CREB5: variants seen among roughly 807,000 people sequenced by gnomAD.
CREB5 encodes the protein cAMP responsive element binding protein 5.
In CREB5, 19 loss-of-function variants were observed where a neutral mutation model predicts 57.1. The observed-to-expected ratio is 0.33, with a 90% CI of 0.23 to 0.49. The LOEUF is 0.49. Among genes scored for constraint, CREB5 ranks in the 20% least tolerant of loss-of-function variants. CREB5 has a pLI of 0.99. For missense variants in CREB5, 579 were observed against 671.6 expected, an observed-to-expected ratio of 0.86 and a Z score of 1.52; for synonymous variants, 238 against 238.3, an observed-to-expected ratio of 1.00 and a Z score of 0.01.
chr7:28,669,912 A>C (rs1370029968), intron 5 of CREB5, among the ~76,000 whole-genome samples: 2 of 152,244 alleles, frequency 1.3e-5, no homozygotes, highest in African/African-American at 2.4e-5. Context: ...AGGCACAACA[A>C]GGGGAGCCCC....
chr7:28,729,961 CA>C (rs546742528), intron 7 of CREB5, among the ~76,000 whole-genome samples: 132 of 152,308 alleles, frequency 8.7e-4, no homozygotes, highest in Non-Finnish European at 1.5e-3. Flanking sequence ...ATAGGAATTA[CA>C]TAAGATTCCA....
chr7:28,678,992 T>C (rs977931580), intron 5 of CREB5, among the ~76,000 whole-genome samples: 5 of 151,948 alleles, frequency 3.3e-5, no homozygotes, highest in Non-Finnish European at 7.4e-5. Context: ...TAGTTTAAGC[T>C]TGCCTTTTTA....
At chr7:28,783,332 T>C (rs1807100439) in intron 7 of CREB5, among the ~76,000 whole-genome samples, 1 of 152,226 alleles carries the variant, frequency 6.6e-6, no homozygotes, top group African/African-American at 2.4e-5. Context: ...CATATTCTTA[T>C]ATTAGATTCA....
At chr7:28,797,013 C>G (rs1379252886) in intron 7 of CREB5, among the ~76,000 whole-genome samples, 1 of 152,188 alleles carries the variant, frequency 6.6e-6, no homozygotes, top group African/African-American at 2.4e-5. Context: ...TAAAATAATT[C>G]TATAAATGTG....
At chr7:28,410,668 G>A, upstream of CREB5, 1 of 414,362 alleles carries the variant, frequency 2.4e-6, no homozygotes, top group Non-Finnish European at 4.9e-6. Context: ...ATATTTCGTT[G>A]TCAGTCTGCA....
intron 1 of CREB5, among the ~76,000 whole-genome samples, chr7:28,345,409 A>G (rs145324401): frequency 6.6e-6 from 1 of 152,190 alleles, no homozygotes; most frequent in African/African-American, 2.4e-5. Flanking sequence ...AATCAATATC[A>G]GTTGTTACTT....
chr7:28,406,621 T>C (rs58835600), intron 1 of CREB5, among the ~76,000 whole-genome samples: 9,300 of 152,290 alleles, frequency 0.061, 367 homozygotes, highest in African/African-American at 0.1. Context: ...CTAGTGGTGG[T>C]GCTGGCACCC....
intron 1 of CREB5, among the ~76,000 whole-genome samples, chr7:28,468,697 TTG>T (rs1790688799): frequency 6.6e-6 from 1 of 152,222 alleles, no homozygotes. Context: ...AGTTATCAGC[TTG>T]TGTCTGCCTG....
chr7:28,556,113 G>A (rs915997842), intron 4 of CREB5, among the ~76,000 whole-genome samples: 1 of 152,170 alleles, frequency 6.6e-6, no homozygotes, highest in African/African-American at 2.4e-5. Context: ...GTCTTAGGTA[G>A]AGAAATGCAG....
chr7:28,346,525 A>G (rs1406594255), intron 1 of CREB5, among the ~76,000 whole-genome samples: 5 of 152,230 alleles, frequency 3.3e-5, no homozygotes, highest in African/African-American at 1.2e-4. Context: ...TTGGAGGAAC[A>G]CAAACATTCA....
chr7:28,404,822 T>G (rs1380416705), intron 1 of CREB5, among the ~76,000 whole-genome samples: 1 of 152,190 alleles, frequency 6.6e-6, no homozygotes, highest in East Asian at 1.9e-4. Context: ...TCCTGATTCT[T>G]GCATCCTCAA....
chr7:28,655,904 A>G (rs1799314988), intron 5 of CREB5, among the ~76,000 whole-genome samples: 1 of 152,170 alleles, frequency 6.6e-6, no homozygotes, highest in Admixed American at 6.5e-5. Flanking sequence ...TTGTGCAGAG[A>G]CTATAACAGG....
At chr7:28,397,381 G>A (rs1407201093) in intron 1 of CREB5, among the ~76,000 whole-genome samples, 3 of 152,212 alleles carry the variant, frequency 2.0e-5, no homozygotes, top group African/African-American at 4.8e-5. Context: ...GGTCGGACAT[G>A]AAAAGATAAG....
At chr7:28,471,828 GA>G (rs1790825821) in intron 1 of CREB5, among the ~76,000 whole-genome samples, 1 of 151,876 alleles carries the variant, frequency 6.6e-6, no homozygotes, top group South Asian at 2.1e-4. Flanking sequence ...GTTCATAATA[GA>G]AAAAATATAA....
chr7:28,816,422 A>T (rs576421122), intron 9 of CREB5, among the ~76,000 whole-genome samples: 7 of 152,330 alleles, frequency 4.6e-5, no homozygotes, highest in Admixed American at 1.3e-4. Flanking sequence ...TCTGAGATGT[A>T]AGAGCAATTT....
At chr7:28,395,145 T>A (rs1284626862) in intron 1 of CREB5, among the ~76,000 whole-genome samples, 1 of 152,202 alleles carries the variant, frequency 6.6e-6, no homozygotes, top group Non-Finnish European at 1.5e-5. Flanking sequence ...TATATTAGGG[T>A]CTTCATTTAA....
At chr7:28,682,196 G>A (rs1171188405) in intron 5 of CREB5, among the ~76,000 whole-genome samples, 2 of 152,194 alleles carry the variant, frequency 1.3e-5, no homozygotes, top group African/African-American at 4.8e-5. Context: ...TCACTCCCTT[G>A]TCTTCTCTCT....
At chr7:28,361,672 C>G (rs1317421418) in intron 1 of CREB5, among the ~76,000 whole-genome samples, 1 of 152,138 alleles carries the variant, frequency 6.6e-6, no homozygotes, top group Non-Finnish European at 1.5e-5. Flanking sequence ...TTTTCAGGGC[C>G]TCTTTTCAGC....
chr7:28,305,206 C>CT (rs532548415), intron 1 of CREB5, among the ~76,000 whole-genome samples: 106 of 152,156 alleles, frequency 7.0e-4, no homozygotes, highest in African/African-American at 2.0e-3. Flanking sequence ...GCAGAACTGT[C>CT]TTTTTTTTAC....
Sources: gnomAD v4.1 joint callset for allele counts (sites outside exome capture counted in the v4.1 genomes callset) on GRCh38, gnomAD v4.1.1 for gene constraint, MANE v1.5 for transcripts, NCBI Gene and HGNC (gene_info 2026-07-23, HGNC 2026-07-21) for gene names.